Variants in KRT5 observed in about 807,000 individuals in gnomAD.
KRT5 encodes keratin, type II cytoskeletal 5.
KRT5 carries 17 observed loss-of-function variants against 44.0 expected under a neutral mutation model. The observed-to-expected ratio is 0.39, with a 90% CI of 0.26 to 0.58. KRT5 has a LOEUF of 0.58. Among genes scored for constraint, KRT5 ranks in the 20% least tolerant of loss-of-function variants. The pLI is 0.61. For synonymous variants in KRT5, 329 were observed against 312.8 expected (o/e 1.05, Z -0.55); for missense variants, 737 against 785.5 (o/e 0.94, Z 0.74).
chr12:52,518,160 A>G lies in KRT5; in HGVS notation c.774T>C (p.Tyr258=). ...TGGTACGCTTGTTGATTTCATCCTC[A>G]TACCTGGTGGTGAAAGGGATGGGAA... ...QDLVEDFKNK[Y]EDEINKRTTA... is the part of the protein sequence containing the mutation. Residue 258 remains tyrosine (Y), a synonymous_variant, in exon 3 of 9, where the codon TAT becomes TAC. Transcript: ENST00000252242. 1.2e-6 allele frequency: 2 copies of G among 1,614,180 alleles called. No homozygotes were observed. The highest frequency in any genetic ancestry group is 1.7e-6 in the Non-Finnish European group (2 of 1,179,998).
chr12:52,516,142 T>C (rs1938606704), intron 7 of KRT5: 2 of 506,830 alleles, frequency 3.9e-6, no homozygotes, highest in Non-Finnish European at 7.1e-6. Context: ...AGGAGTTACA[T>C]TCTGTGAGAG....
chr12:52,516,969 T>G, intron 6 of KRT5, 112 bp from the exon 7 acceptor site: 1 of 1,507,166 alleles, frequency 6.6e-7, no homozygotes, highest in South Asian at 1.1e-5. Flanking sequence ...AACCAGTACA[T>G]CGTGGGTGGC....
At position 52,516,764 on chromosome 12, in the gene KRT5, C is replaced by G. The variant is rs1191511841; in HGVS notation, c.1312G>C (p.Ala438Pro). The change falls in exon 7 of 9, where the codon GCC becomes CCC. Residue 438 changes from alanine to proline, a missense_variant. Ala to Pro is a conservative substitution (Grantham distance 27). Coordinates refer to ENST00000252242, the MANE Select transcript of KRT5 (RefSeq NM_000424.4). The part of the protein sequence containing the change: ...ARNKLAELEE[A>P]LQKAKQDMAR... ...ATGTCCTGCTTGGCCTTCTGCAGGG[C>G]CTCCTCCAGCTCGGCCAGCTTGTTC... 1 of 1,614,194 alleles carries G rather than the reference C, an allele frequency of 6.2e-7. No homozygotes were observed. The highest frequency in any genetic ancestry group is 1.7e-5 in the Admixed American group (1 of 60,026).
intron 2 of KRT5, chr12:52,518,518 C>G (rs1166831456): frequency 1.8e-6 from 1 of 545,236 alleles, no homozygotes; most frequent in East Asian, 4.5e-5. Flanking sequence ...AGAAAAGAAA[C>G]AAAATTAAAT....
intron 2 of KRT5, 116 bp downstream of exon 2, chr12:52,518,830 T>C: frequency 4.0e-6 from 5 of 1,238,398 alleles, no homozygotes; most frequent in South Asian, 1.2e-5. Context: ...GAGGTGTCCA[T>C]GGAAGGTATA....
chr12:52,515,277 T>G lies in KRT5; in HGVS notation c.1475-37A>C, dbSNP rs28694819. ...GGAGGGAGGACTCAGTGAGACCATC[T>G]GCCAGGCTGATCCTGCATGGCCCAT... On this transcript the variant is annotated intron_variant, in intron 8 of 8. Coordinates refer to ENST00000252242, the MANE Select transcript of KRT5 (RefSeq NM_000424.4). The G allele has an allele frequency of 1.8e-3, 2,850 of 1,601,532 alleles. 33 individuals carry two copies. In the African/African-American group the frequency reaches 0.033, roughly 18 times the overall value.
chr12:52,514,902 G>T lies in KRT5; in HGVS notation c.*40C>A. On this transcript the variant is annotated 3_prime_UTR_variant, in exon 9 of 9. Coordinates refer to ENST00000252242, the MANE Select transcript of KRT5 (RefSeq NM_000424.4). ...CTAGAAGAGGCAATCTCCATGGGCT[G>T]GGTTGCTGCACTTGGAAGGCAGTGA... The T allele has an allele frequency of 6.4e-7, 1 of 1,554,742 alleles. No homozygotes were observed. The highest frequency in any genetic ancestry group is 8.9e-7 in the Non-Finnish European group (1 of 1,126,816).
chr12:52,519,279 G>A (rs1263772044), intron 1 of KRT5, 119 bp from the exon 2 acceptor site: 49 of 1,453,532 alleles, frequency 3.4e-5, no homozygotes, highest in Non-Finnish European at 4.2e-5. Context: ...ACTGTGCCTG[G>A]CCCTGGGCCC....
intron 4 of KRT5, 24 bp from the exon 5 acceptor site, chr12:52,517,778 C>T: frequency 6.2e-7 from 1 of 1,614,064 alleles, no homozygotes. Flanking sequence ...TGGAGTCGGT[C>T]ATCTGGTTCT....
chr12:52,519,611 G>A, intron 1 of KRT5, 131 bp downstream of exon 1: 1 of 1,034,466 alleles, frequency 9.7e-7, no homozygotes, highest in Non-Finnish European at 1.5e-6. Context: ...CCAGGGCACA[G>A]AAACAAACGG....
chr12:52,517,529 G>T, intron 5 of KRT5, 61 bp downstream of exon 5: 2 of 1,563,184 alleles, frequency 1.3e-6, no homozygotes, highest in Admixed American at 1.7e-5. Context: ...TGTCGTCATG[G>T]CCTAGAATCC....
chr12:52,519,285 G>A (rs1276109484), intron 1 of KRT5, 125 bp from the exon 2 acceptor site: 1 of 1,418,742 alleles, frequency 7.0e-7, no homozygotes, highest in East Asian at 2.5e-5. Context: ...CCTGGCCCTG[G>A]GCCCCAGGAG....
In KRT5 at chr12:52,516,683, C is replaced by G. The variant is rs758969808; in HGVS notation, c.1393G>C (p.Val465Leu). ...ELMNTKLALD[V>L]EIATYRKLLE... Reference sequence around the variant, plus strand: ...AGCTTGCGGTAAGTGGCGATCTCCACGTCCAGGGCCAGCTTGGTGTTCATG... The same window carrying G: ...AGCTTGCGGTAAGTGGCGATCTCCAGGTCCAGGGCCAGCTTGGTGTTCATG... Residue 465 changes from valine to leucine, a missense_variant, in exon 7 of 9, where the codon GTG becomes CTG. Around this residue, in one of 5 missense-constraint regions of KRT5, gnomAD observed 344 missense variants for 351.6 expected, o/e 0.98. Transcript: ENST00000252242. 1.2e-6 allele frequency: 2 copies of G among 1,614,208 alleles called. No individual in the cohort carries two copies. The highest frequency in any genetic ancestry group is 2.7e-5 in the African/African-American group (2 of 75,052).
Position 52,518,966 on chromosome 12 carries a change from C to G in KRT5, c.750G>C (p.Leu250=), listed in dbSNP as rs1356649597. ...CTCACTTGTTCTTGAAGTCTTCCAC[C>G]AGGTCCTGCATGTTTCTCAGCTCTG... ...LDSELRNMQD[L]VEDFKNKYED... Residue 250 remains leucine (L), a synonymous_variant, in exon 2 of 9, where the codon CTG becomes CTC. Transcript: ENST00000252242. The G allele has an allele frequency of 3.1e-6, 5 of 1,614,074 alleles. No individual in the cohort carries two copies. The Admixed American group carries it at 8.3e-5, about 27-fold the overall frequency.
chr12:52,515,646 C>G (rs1938597892), intron 8 of KRT5, 152 bp downstream of exon 8: 1 of 735,450 alleles, frequency 1.4e-6, no homozygotes, highest in Non-Finnish European at 2.4e-6. Context: ...CTGTCCTTCC[C>G]CTCCACCACC....
Position 52,518,980 on chromosome 12 carries a change from T to C in KRT5, c.736A>G (p.Asn246Asp), listed in dbSNP as rs765446846. The part of the protein sequence containing the change: ...ERGRLDSELR[N>D]MQDLVEDFKN... ...AAGTCTTCCACCAGGTCCTGCATGT[T>C]TCTCAGCTCTGAGTCCAGGCGGCCC... The change falls in exon 2 of 9, where the codon AAC (asparagine) becomes GAC (aspartate). Residue 246 changes from asparagine to aspartate, a missense_variant. Physicochemically the swap from Asn to Asp is conservative, Grantham distance 23 (BLOSUM62 1). Coordinates refer to ENST00000252242, the MANE Select transcript of KRT5 (RefSeq NM_000424.4). 18 of 1,614,068 alleles carry C rather than the reference T, an allele frequency of 1.1e-5. No individual in the cohort carries two copies. The highest frequency in any genetic ancestry group is 1.4e-5 in the Non-Finnish European group (17 of 1,180,034).
At position 52,514,860 on chromosome 12, in the gene KRT5, A is replaced by G; in HGVS notation, c.*82T>C. On this transcript the variant is annotated 3_prime_UTR_variant, in exon 9 of 9. Coordinates refer to ENST00000252242, the MANE Select transcript of KRT5 (RefSeq NM_000424.4). Reference sequence around the variant, plus strand: ...ACTACTCTCCAGAAAAGGATAAAACATGGCTTGAGCAACTGCCTAGAAGAG... The same window carrying G: ...ACTACTCTCCAGAAAAGGATAAAACGTGGCTTGAGCAACTGCCTAGAAGAG... 8.2e-7 allele frequency: 1 copy of G among 1,222,364 alleles called. No individual in the cohort carries two copies. The highest frequency in any genetic ancestry group is 1.2e-6 in the Non-Finnish European group (1 of 832,314). 75.7% of individuals were successfully genotyped at this position (1,222,364 alleles called of 1,614,324 possible).
intron 7 of KRT5, 119 bp from the exon 8 acceptor site, chr12:52,515,951 C>A: frequency 1.2e-6 from 1 of 833,934 alleles, no homozygotes; most frequent in East Asian, 2.5e-5. Flanking sequence ...GTCTGTACAC[C>A]CAAAAGCTGC....
At position 52,518,948 on chromosome 12, in the gene KRT5, G is replaced by A. The variant is rs147185753; in HGVS notation, c.768C>T (p.Asn256=). Residue 256 remains asparagine, a splice_region_variant and synonymous_variant, in exon 2 of 9, where the codon AAC becomes AAT. Transcript: ENST00000252242. Reference sequence around the variant, plus strand: ...GTCCACCCTCCACCCCAACTCACTTGTTCTTGAAGTCTTCCACCAGGTCCT... The same window carrying A: ...GTCCACCCTCCACCCCAACTCACTTATTCTTGAAGTCTTCCACCAGGTCCT... The part of the protein sequence containing the change: ...NMQDLVEDFK[N]KYEDEINKRT... The A allele has an allele frequency of 1.2e-6, 2 of 1,614,034 alleles. No individual in the cohort carries two copies. Among genetic ancestry groups the A allele is most frequent in the African/African-American group, 2.7e-5 (2 of 74,912 alleles).
Sources: allele counts gnomAD v4.1 joint callset, GRCh38; gene constraint gnomAD v4.1.1; regional missense constraint gnomAD v4.1.1; transcripts MANE v1.5; gene names NCBI Gene and HGNC (gene_info 2026-07-23, HGNC 2026-07-21).